Variants in OXR1 observed in about 807,000 individuals in gnomAD.
OXR1 encodes the protein oxidation resistance 1.
A neutral mutation model predicts 104.6 loss-of-function variants in OXR1; 41 were observed. The observed-to-expected ratio is 0.39, with a 90% CI of 0.31 to 0.51. The LOEUF is 0.51. Among genes scored for constraint, OXR1 ranks in the 20% least tolerant of loss-of-function variants. OXR1 has a pLI of 0.77. For synonymous variants in OXR1, 348 were observed against 348.4 expected (o/e 1.00, Z 0.01); for missense variants, 955 against 1,031.9 (o/e 0.93, Z 1.02).
intron 3 of OXR1, among the ~76,000 whole-genome samples, chr8:106,632,312 T>C (rs896145310): frequency 3.9e-5 from 6 of 152,218 alleles, no homozygotes; most frequent in Non-Finnish European, 5.9e-5. Context: ...CTGTGTCTTT[T>C]ATCTTTATAT....
intron 1 of OXR1, among the ~76,000 whole-genome samples, chr8:106,297,626 T>C (rs1000552275): frequency 1.3e-5 from 2 of 152,166 alleles, no homozygotes; most frequent in Non-Finnish European, 2.9e-5. Context: ...AGTATTATAA[T>C]CTTATGGGAC....
intron 2 of OXR1, among the ~76,000 whole-genome samples, chr8:106,361,789 A>G (rs1816256842): frequency 6.6e-6 from 1 of 152,178 alleles, no homozygotes; most frequent in African/African-American, 2.4e-5. Flanking sequence ...AAACAAAGAC[A>G]TGAAAATATT....
At chr8:106,591,296 G>C (rs1350010523) in intron 3 of OXR1, among the ~76,000 whole-genome samples, 1 of 104,110 alleles carries the variant, frequency 9.6e-6, no homozygotes, top group Non-Finnish European at 1.9e-5. Flanking sequence ...GTGGGGTGGG[G>C]GGAGGGGGGA....
chr8:106,657,033 C>G (rs1825154321), intron 3 of OXR1, among the ~76,000 whole-genome samples: 1 of 151,984 alleles, frequency 6.6e-6, no homozygotes, highest in African/African-American at 2.4e-5. Context: ...CCTGGGAAAA[C>G]TAAAAGAACT....
chr8:106,452,310 C>T (rs1820358492), intron 2 of OXR1, among the ~76,000 whole-genome samples: 2 of 152,114 alleles, frequency 1.3e-5, no homozygotes, highest in Admixed American at 1.3e-4. Context: ...AAAGACAGCA[C>T]TATCTTTTAA....
chr8:106,563,296 CAA>C (rs145929849), intron 3 of OXR1, among the ~76,000 whole-genome samples: 10,483 of 125,710 alleles, frequency 0.083, 443 homozygotes, highest in African/African-American at 0.14. Context: ...AAATGGAAAG[CAA>C]AAAAAAAAAA....
chr8:106,505,127 A>C (rs1238560384), intron 2 of OXR1, among the ~76,000 whole-genome samples: 1 of 152,240 alleles, frequency 6.6e-6, no homozygotes, highest in African/African-American at 2.4e-5. Context: ...ACTATTAGGA[A>C]TGCTGTGGTT....
chr8:106,572,224 G>A (rs768551649), intron 3 of OXR1, among the ~76,000 whole-genome samples: 7 of 152,178 alleles, frequency 4.6e-5, no homozygotes, highest in Non-Finnish European at 1.0e-4. Flanking sequence ...CAAAAAGTCT[G>A]ACAGCCTTCC....
chr8:106,701,064 C>T (rs1381268688), intron 7 of OXR1, among the ~76,000 whole-genome samples: 5 of 151,862 alleles, frequency 3.3e-5, no homozygotes, highest in Non-Finnish European at 7.4e-5. Flanking sequence ...ATGTACTTTA[C>T]CATCTCTCAT....
intron 2 of OXR1, among the ~76,000 whole-genome samples, chr8:106,472,937 A>G (rs1821596638): frequency 6.6e-6 from 1 of 151,816 alleles, no homozygotes; most frequent in Non-Finnish European, 1.5e-5. Flanking sequence ...ACAGTAAGCC[A>G]TGTTGCAAAC....
chr8:106,349,288 A>T (rs959704073), intron 1 of OXR1, among the ~76,000 whole-genome samples: 3 of 152,190 alleles, frequency 2.0e-5, no homozygotes, highest in African/African-American at 7.2e-5. Flanking sequence ...AACACTGAAG[A>T]TTTTAAACTG....
intron 2 of OXR1, among the ~76,000 whole-genome samples, chr8:106,367,964 C>G (rs547444035): frequency 6.6e-6 from 1 of 151,790 alleles, no homozygotes; most frequent in African/African-American, 2.4e-5. Context: ...GGGGAGAGTC[C>G]CAGGAACTGA....
intron 6 of OXR1, among the ~76,000 whole-genome samples, chr8:106,691,653 T>G (rs1264868312): frequency 1.3e-5 from 2 of 149,042 alleles, no homozygotes; most frequent in East Asian, 3.9e-4. Context: ...CACACACATA[T>G]ATTTATATTT....
chr8:106,309,174 C>T (rs2130124432), intron 1 of OXR1, among the ~76,000 whole-genome samples: 1 of 152,108 alleles, frequency 6.6e-6, no homozygotes, highest in Non-Finnish European at 1.5e-5. Context: ...TAGAGATGAG[C>T]TCTCACTATG....
chr8:106,535,226 A>G (rs1296656456), intron 3 of OXR1, among the ~76,000 whole-genome samples: 2 of 152,126 alleles, frequency 1.3e-5, no homozygotes, highest in African/African-American at 2.4e-5. Flanking sequence ...GACGAGAACT[A>G]TGATCTGCAG....
intron 4 of OXR1, among the ~76,000 whole-genome samples, chr8:106,681,679 C>A (rs986111411): frequency 9.9e-5 from 15 of 152,032 alleles, no homozygotes; most frequent in African/African-American, 3.4e-4. Flanking sequence ...CATGCATCAC[C>A]ACGCCCAGCT....
chr8:106,748,762 G>C (rs1335002882), intron 16 of OXR1, among the ~76,000 whole-genome samples: 1 of 150,984 alleles, frequency 6.6e-6, no homozygotes, highest in East Asian at 2.0e-4. Context: ...TAGAGACAGG[G>C]TTTCGCCATG....
intron 16 of OXR1, among the ~76,000 whole-genome samples, chr8:106,749,693 G>C (rs1835713850): frequency 6.6e-6 from 1 of 152,022 alleles, no homozygotes; most frequent in Non-Finnish European, 1.5e-5. Context: ...GCTCAATTCT[G>C]CTGACTTGAT....
chr8:106,506,349 C>T (rs983958125), intron 2 of OXR1, among the ~76,000 whole-genome samples: 1 of 152,184 alleles, frequency 6.6e-6, no homozygotes, highest in Non-Finnish European at 1.5e-5. Context: ...CGCGGTGGCT[C>T]ACGCCTGTAA....
Sources: gnomAD v4.1 joint callset for allele counts (sites outside exome capture counted in the v4.1 genomes callset) on GRCh38, gnomAD v4.1.1 for gene constraint, MANE v1.5 for transcripts, NCBI Gene and HGNC (gene_info 2026-07-23, HGNC 2026-07-21) for gene names.